Variants in CSMD2 observed in about 807,000 individuals in gnomAD.
CSMD2 encodes the protein CUB and Sushi multiple domains 2, also known as CUB and sushi domain-containing protein 2.
A neutral mutation model predicts 398.5 loss-of-function variants in CSMD2; 130 were observed. That is an observed-to-expected ratio of 0.33 (90% CI 0.28 to 0.38). CSMD2 has a LOEUF of 0.38. CSMD2 is among the 10% of genes least tolerant of loss of function. The pLI, the probability that CSMD2 is intolerant of heterozygous loss-of-function variation, is 1.00. For missense variants in CSMD2, 3,829 were observed against 4,764.9 expected (o/e 0.80, Z 5.78); for synonymous variants, 1,828 against 1,908.5 (o/e 0.96, Z 1.10).
chr1:33,953,363 C>G (rs796375835), intron 3 of CSMD2, among the ~76,000 whole-genome samples: 5 of 152,320 alleles, frequency 3.3e-5, no homozygotes, highest in African/African-American at 1.2e-4. Context: ...TTCTCTGCTA[C>G]ACAGCCAGAA....
At chr1:34,069,786 G>A (rs1655516715) in intron 2 of CSMD2, among the ~76,000 whole-genome samples, 1 of 152,174 alleles carries the variant, frequency 6.6e-6, no homozygotes, top group South Asian at 2.1e-4. Flanking sequence ...GGGGAAAGGG[G>A]ACCTTTTCTG....
intron 2 of CSMD2, among the ~76,000 whole-genome samples, chr1:34,084,887 C>T (rs1657676695): frequency 6.6e-6 from 1 of 152,146 alleles, no homozygotes; most frequent in Non-Finnish European, 1.5e-5. Flanking sequence ...TGGGTATATG[C>T]CCAAAGGATT....
At chr1:34,065,801 T>C (rs1312026503) in intron 2 of CSMD2, among the ~76,000 whole-genome samples, 1 of 152,170 alleles carries the variant, frequency 6.6e-6, no homozygotes, top group African/African-American at 2.4e-5. Context: ...GTTGTTACCC[T>C]GGGGCTCAAA....
chr1:34,110,650 T>C (rs1319886589), intron 1 of CSMD2, among the ~76,000 whole-genome samples: 1 of 152,076 alleles, frequency 6.6e-6, no homozygotes, highest in Non-Finnish European at 1.5e-5. Context: ...ATATTCTTAC[T>C]TATAAGTGGG....
At position 33,932,227 on chromosome 1, in the gene CSMD2, C is replaced by A. The variant is rs564525815; in HGVS notation, c.712+3533G>T. ...GGAGAACTTTAGCATAGTTCACTCTCCACAGGGGCCTGAAGCTCAGGACAG... is the reference window on the plus strand; with the variant it reads ...GGAGAACTTTAGCATAGTTCACTCTACACAGGGGCCTGAAGCTCAGGACAG... On this transcript the variant is annotated intron_variant, in intron 4 of 70. Transcript: ENST00000373381. 1.5e-4 allele frequency among the ~76,000 whole-genome samples: 23 copies of A among 152,160 alleles called. No homozygotes were observed. In the South Asian group the frequency reaches 3.3e-3, roughly 22 times the overall value.
At chr1:34,021,855 A>C (rs1648934497) in intron 3 of CSMD2, among the ~76,000 whole-genome samples, 1 of 152,222 alleles carries the variant, frequency 6.6e-6, no homozygotes, top group Admixed American at 6.5e-5. Context: ...GGTTAGGAGC[A>C]ATTAAGCAGT....
chr1:34,110,441 C>A lies in CSMD2; in HGVS notation c.188-21248G>T, dbSNP rs535472670. 2.0e-5 allele frequency among the ~76,000 whole-genome samples: 3 copies of A among 152,038 alleles called. No homozygotes were observed. In the East Asian group the frequency reaches 5.8e-4, roughly 29 times the overall value. ...ACAAGAGCAAAAACATGGAATCAAC[C>A]TAAATGTCCATCGATAGTAGGCTGG... On this transcript the variant is annotated intron_variant, in intron 1 of 70. Transcript: ENST00000373381.
At position 33,706,871 on chromosome 1, in the gene CSMD2, G is replaced by A. The variant is rs1261156748; in HGVS notation, c.3576+2218C>T. Among the ~76,000 whole-genome samples, 28 of 152,076 alleles carry A rather than the reference G, an allele frequency of 1.8e-4. No homozygotes were observed. The East Asian group carries it at 3.9e-3, about 21-fold the overall frequency. On this transcript the variant is annotated intron_variant, in intron 22 of 70. Transcript: ENST00000373381. ...GTGCATTGTGTGCGTGTGCATGTGT[G>A]TGCATGTGTTTGTGTATGCGTGTGT... is the stretch of plus-strand genomic sequence containing the variant.
chr1:33,639,080 G>A (rs559944195), intron 29 of CSMD2, among the ~76,000 whole-genome samples: 1 of 152,210 alleles, frequency 6.6e-6, no homozygotes, highest in Non-Finnish European at 1.5e-5. Context: ...ATGCTTATTG[G>A]CCTTTCCTTC....
intron 11 of CSMD2, among the ~76,000 whole-genome samples, chr1:33,790,801 A>ATATC (rs3078814): frequency 0.25 from 36,820 of 148,378 alleles, 4,512 homozygotes; most frequent in African/African-American, 0.29. Flanking sequence ...CATCTCTCTA[A>ATATC]TATCTATCTA....
chr1:34,000,344 G>A (rs1019764958), intron 3 of CSMD2, among the ~76,000 whole-genome samples: 3 of 152,058 alleles, frequency 2.0e-5, no homozygotes, highest in African/African-American at 7.2e-5. Context: ...CTTTTCACCC[G>A]AATGATGGAC....
intron 25 of CSMD2, among the ~76,000 whole-genome samples, chr1:33,689,067 G>C (rs925956023): frequency 2.1e-5 from 3 of 145,188 alleles, no homozygotes; most frequent in Non-Finnish European, 4.5e-5. Flanking sequence ...AGAGGGAGTG[G>C]GAAAGAAGGA....
At chr1:34,144,129 G>C (rs1221909197) in intron 1 of CSMD2, among the ~76,000 whole-genome samples, 2 of 152,162 alleles carry the variant, frequency 1.3e-5, no homozygotes, top group African/African-American at 2.4e-5. Flanking sequence ...CTCCAAGGCT[G>C]TCTGGTATCT....
intron 62 of CSMD2, among the ~76,000 whole-genome samples, chr1:33,536,255 G>C (rs1429473088): frequency 1.3e-5 from 2 of 151,852 alleles, no homozygotes; most frequent in African/African-American, 4.8e-5. Context: ...ACCGAGTCTC[G>C]CTCTGTTGCC....
chr1:33,655,571 T>C (rs1643922687), intron 27 of CSMD2, among the ~76,000 whole-genome samples: 2 of 152,238 alleles, frequency 1.3e-5, no homozygotes, highest in Admixed American at 6.5e-5. Context: ...TCCCGAGCTC[T>C]AACCTCACCA....
chr1:34,160,364 G>T (rs369475881), intron 1 of CSMD2, among the ~76,000 whole-genome samples: 8 of 152,170 alleles, frequency 5.3e-5, no homozygotes, highest in Non-Finnish European at 8.8e-5. Flanking sequence ...GTAGTGAAAC[G>T]CCTTTCCTTG....
intron 6 of CSMD2, among the ~76,000 whole-genome samples, chr1:33,830,156 G>C (rs994142391): frequency 6.6e-6 from 1 of 152,240 alleles, no homozygotes; most frequent in Non-Finnish European, 1.5e-5. Flanking sequence ...GAAGAGAGCA[G>C]TGGTTCTCCC....
chr1:33,913,165 C>G (rs369161204), intron 5 of CSMD2, among the ~76,000 whole-genome samples: 1 of 152,192 alleles, frequency 6.6e-6, no homozygotes, highest in Non-Finnish European at 1.5e-5. Context: ...GATCCAGGAA[C>G]AGAAGTGATG....
intron 1 of CSMD2, among the ~76,000 whole-genome samples, chr1:34,127,602 C>T (rs1260413142): frequency 3.3e-5 from 5 of 152,100 alleles, no homozygotes; most frequent in Non-Finnish European, 7.3e-5. Context: ...CCAGGGTAGT[C>T]ATCCTGTGAT....
Sources: gnomAD v4.1 joint callset for allele counts (sites outside exome capture counted in the v4.1 genomes callset) on GRCh38, gnomAD v4.1.1 for gene constraint, MANE v1.5 for transcripts, NCBI Gene and HGNC (gene_info 2026-07-23, HGNC 2026-07-21) for gene names.